NEBL: variants seen among roughly 807,000 people sequenced by gnomAD.
NEBL encodes LIM and SH3 protein 2.
NEBL carries 122 observed loss-of-function variants against 140.2 expected under a neutral mutation model. That is an observed-to-expected ratio of 0.87 (90% CI 0.75 to 1.01). NEBL has a LOEUF of 1.01. Among genes scored for constraint, NEBL ranks in the 50% least tolerant of loss-of-function variants. The probability of loss-of-function intolerance (pLI) is 0.00; values close to 1 mark genes in which losing one functional copy is unlikely to be tolerated. For missense variants in NEBL, 1,365 were observed against 1,231.3 expected (o/e 1.11, Z -1.62); for synonymous variants, 436 against 398.9 (o/e 1.09, Z -1.11).
intron 3 of NEBL, among the ~76,000 whole-genome samples, chr10:21,014,827 T>G (rs1023308759): frequency 1.3e-5 from 2 of 152,234 alleles, no homozygotes; most frequent in African/African-American, 4.8e-5. Flanking sequence ...TTATGTTCCC[T>G]ATAAAAAGAA....
chr10:21,157,465 G>C (rs1002272869), intron 2 of NEBL, among the ~76,000 whole-genome samples: 3 of 152,110 alleles, frequency 2.0e-5, no homozygotes, highest in Non-Finnish European at 4.4e-5. Flanking sequence ...CAGCTACTCA[G>C]GAGGCTGAGG....
chr10:21,183,730 G>A (rs1445711076), intron 3 of NEBL, among the ~76,000 whole-genome samples: 1 of 152,160 alleles, frequency 6.6e-6, no homozygotes, highest in Non-Finnish European at 1.5e-5. Context: ...ACATAAGGAG[G>A]ACATAGTTGC....
At chr10:20,911,085 G>T (rs1392833459) in intron 4 of NEBL, among the ~76,000 whole-genome samples, 1 of 151,988 alleles carries the variant, frequency 6.6e-6, no homozygotes, top group Non-Finnish European at 1.5e-5. Context: ...AATTGCTTGA[G>T]CCTGGGAGGT....
intron 4 of NEBL, among the ~76,000 whole-genome samples, chr10:20,932,619 G>A (rs1016840719): frequency 3.9e-5 from 6 of 152,158 alleles, no homozygotes; most frequent in Admixed American, 3.9e-4. Context: ...AAAAGAATAA[G>A]TATTCTTGCT....
chr10:20,946,020 T>C (rs896961310), intron 4 of NEBL, among the ~76,000 whole-genome samples: 6 of 152,210 alleles, frequency 3.9e-5, no homozygotes, highest in African/African-American at 9.6e-5. Context: ...ACATGAAAGA[T>C]GGCCCGACAC....
At position 21,173,883 on chromosome 10, in the gene NEBL, G is replaced by A. The variant is rs374816761; in HGVS notation, c.-50C>T. 5.0e-6 allele frequency: 8 copies of A among 1,600,510 alleles called. No individual in the cohort carries two copies. The highest frequency in any genetic ancestry group is 6.8e-6 in the Non-Finnish European group (8 of 1,177,130). ...CGGCGGCGGCTGCTGGCTCCCAGGA[G>A]CCGCTGTGACATCCCCCGGCGAGCC... On this transcript the variant is annotated 5_prime_UTR_variant, in exon 1 of 7. Coordinates refer to the NEBL transcript ENST00000417816. The surrounding 1 kb of genome is among the most constrained non-coding windows in gnomAD (Gnocchi z 5.7).
intron 2 of NEBL, among the ~76,000 whole-genome samples, chr10:21,161,389 G>A (rs1173238817): frequency 6.6e-6 from 1 of 151,900 alleles, no homozygotes; most frequent in Admixed American, 6.6e-5. Context: ...ATAAGGCTAA[G>A]CTGTATCATT....
At chr10:20,941,788 C>T (rs1480470160) in intron 4 of NEBL, among the ~76,000 whole-genome samples, 1 of 151,984 alleles carries the variant, frequency 6.6e-6, no homozygotes. Context: ...TTCTTATACA[C>T]CAATAACAGA....
At chr10:21,181,544 A>G (rs1011694710) in intron 3 of NEBL, among the ~76,000 whole-genome samples, 3 of 152,140 alleles carry the variant, frequency 2.0e-5, no homozygotes, top group Admixed American at 6.5e-5. Context: ...CCACCAGAGG[A>G]AAAAAACAAC....
rs144960266 is a variant in NEBL, at chr10:21,118,128, A to G, written c.164+54255T>C. The stretch of plus-strand genomic sequence containing the variant: ...GTGCAGCACCCCACAGCCACTACCA[A>G]TGAAAACTACAGCCTACACCTGAAC... On this transcript the variant is annotated intron_variant, in intron 2 of 6. Coordinates refer to the NEBL transcript ENST00000417816. 3.5e-4 allele frequency among the ~76,000 whole-genome samples: 53 copies of G among 152,224 alleles called. No individual in the cohort carries two copies. In the East Asian group the frequency reaches 8.5e-3, roughly 24 times the overall value.
intron 3 of NEBL, among the ~76,000 whole-genome samples, chr10:20,981,906 C>T (rs1837060720): frequency 6.6e-6 from 1 of 152,198 alleles, no homozygotes; most frequent in Non-Finnish European, 1.5e-5. Flanking sequence ...CCTCAGGCAC[C>T]AGAACCAACA....
chr10:20,992,722 G>A (rs1180567091), intron 3 of NEBL, among the ~76,000 whole-genome samples: 3 of 143,138 alleles, frequency 2.1e-5, no homozygotes, highest in African/African-American at 5.2e-5. Flanking sequence ...TACTTTCTCC[G>A]TAGGCCAACT....
At position 20,846,359 on chromosome 10, in the gene NEBL, T is replaced by C. The variant is rs184985201; in HGVS notation, c.1117-991A>G. ...AGAAGCTGTTTCCAGGTTGATTATT[T>C]ATTCATTATAGAGATAGGTAATTTT... On this transcript the variant is annotated intron_variant, in intron 11 of 27. Transcript: ENST00000377122. Among the ~76,000 whole-genome samples, 760 of 152,320 alleles carry C rather than the reference T, an allele frequency of 5.0e-3. 5 individuals are homozygous for C. Among genetic ancestry groups the C allele is most frequent in the African/African-American group, 0.017 (716 of 41,576 alleles).
At chr10:21,262,413 G>C (rs917619803) in intron 1 of NEBL, among the ~76,000 whole-genome samples, 1 of 152,202 alleles carries the variant, frequency 6.6e-6, no homozygotes, top group Non-Finnish European at 1.5e-5. Flanking sequence ...CCCAAGCTGC[G>C]TGAATCTGGC....
chr10:21,077,915 T>G (rs2131925530), intron 2 of NEBL, among the ~76,000 whole-genome samples: 1 of 152,214 alleles, frequency 6.6e-6, no homozygotes, highest in South Asian at 2.1e-4. Flanking sequence ...AGAAAGTACT[T>G]TAGCTCTTAG....
intron 5 of NEBL, among the ~76,000 whole-genome samples, chr10:20,879,373 T>C (rs1348739477): frequency 1.3e-5 from 2 of 152,230 alleles, no homozygotes; most frequent in African/African-American, 2.4e-5. Context: ...ACAGTCATCC[T>C]TAAGCAAACA....
At chr10:20,803,154 A>G (rs1402850342) in intron 26 of NEBL, among the ~76,000 whole-genome samples, 2 of 152,218 alleles carry the variant, frequency 1.3e-5, no homozygotes, top group African/African-American at 4.8e-5. Flanking sequence ...TATCATGTAA[A>G]TTACAGCTAG....
rs559457964 is a variant in NEBL, at chr10:21,184,550, C to T, written n.349-12073G>A. On this transcript the variant is annotated intron_variant and non_coding_transcript_variant, in intron 3 of 8. Transcript: ENST00000675702. ...GAAATGAATGAACCTGGCTTCATGG[C>T]GATGGATGGAGAAAAGAGCCTTCAT... is the stretch of plus-strand genomic sequence containing the variant. Among the ~76,000 whole-genome samples, 7 of 152,178 alleles carry T rather than the reference C, an allele frequency of 4.6e-5. No individual in the cohort carries two copies. In the South Asian group the frequency reaches 6.2e-4, roughly 14 times the overall value.
At chr10:21,015,619 C>T (rs1838524698) in intron 3 of NEBL, among the ~76,000 whole-genome samples, 1 of 152,172 alleles carries the variant, frequency 6.6e-6, no homozygotes, top group South Asian at 2.1e-4. Flanking sequence ...CAACAGGATC[C>T]TCCTGTCTCA....
Sources: gnomAD v4.1 joint callset for allele counts (sites outside exome capture counted in the v4.1 genomes callset) on GRCh38, gnomAD v4.1.1 for gene constraint, Gnocchi (gnomAD v3.1) non-coding constraint, MANE v1.5 for transcripts, NCBI Gene and HGNC (gene_info 2026-07-23, HGNC 2026-07-21) for gene names.